Variants in GPR158 observed in about 807,000 individuals in gnomAD.
GPR158 encodes metabotropic glycine receptor.
In GPR158, 30 loss-of-function variants were observed where a neutral mutation model predicts 78.2. That is an observed-to-expected ratio of 0.38 (90% CI 0.29 to 0.52). GPR158 has a LOEUF of 0.52. Ranked by LOEUF, GPR158 falls within the 20% of genes least tolerant of loss-of-function variation. The probability of loss-of-function intolerance (pLI) is 0.83; values close to 1 mark genes in which losing one functional copy is unlikely to be tolerated. For missense variants in GPR158, 1,463 were observed against 1,523.5 expected (o/e 0.96, Z 0.66); for synonymous variants, 581 against 591.1 (o/e 0.98, Z 0.25).
intron 5 of GPR158, among the ~76,000 whole-genome samples, chr10:25,532,041 C>A (rs1277468011): frequency 1.3e-5 from 2 of 152,150 alleles, no homozygotes; most frequent in Non-Finnish European, 2.9e-5. Context: ...ACTATCAGGA[C>A]AATTCTGATT....
intron 2 of GPR158, among the ~76,000 whole-genome samples, chr10:25,338,422 T>TTATATATACG: frequency 6.9e-6 from 1 of 145,532 alleles, no homozygotes; most frequent in East Asian, 2.0e-4. Context: ...GTATTATATA[T>TTATATATACG]TATTATATAT....
At chr10:25,390,290 G>A (rs1834277076) in intron 2 of GPR158, among the ~76,000 whole-genome samples, 1 of 152,208 alleles carries the variant, frequency 6.6e-6, no homozygotes, top group African/African-American at 2.4e-5. Flanking sequence ...GATAGAGGTT[G>A]GAACAGTTTG....
intron 2 of GPR158, among the ~76,000 whole-genome samples, chr10:25,316,879 G>A (rs1854859128): frequency 7.2e-6 from 1 of 139,830 alleles, no homozygotes; most frequent in South Asian, 2.4e-4. Context: ...ATATATGTAT[G>A]TATGTATTTG....
At chr10:25,407,915 A>C (rs1012330920) in intron 3 of GPR158, among the ~76,000 whole-genome samples, 3 of 152,138 alleles carry the variant, frequency 2.0e-5, no homozygotes, top group Non-Finnish European at 4.4e-5. Flanking sequence ...TCCTCTACCC[A>C]AAACCCTAAC....
intron 2 of GPR158, among the ~76,000 whole-genome samples, chr10:25,334,241 C>T (rs536409670): frequency 6.6e-6 from 1 of 152,020 alleles, no homozygotes; most frequent in Admixed American, 6.6e-5. Flanking sequence ...AATAAAACCC[C>T]AAAAGTTAGG....
At chr10:25,346,645 ATATAAGT>A (rs1855375892) in intron 2 of GPR158, among the ~76,000 whole-genome samples, 1 of 151,832 alleles carries the variant, frequency 6.6e-6, no homozygotes. Context: ...GCCATTTCTG[ATATAAGT>A]TATTGTGTTT....
chr10:25,248,989 C>A (rs943245040), intron 2 of GPR158, among the ~76,000 whole-genome samples: 3 of 149,752 alleles, frequency 2.0e-5, no homozygotes, highest in South Asian at 2.1e-4. Context: ...CTTTTATTTC[C>A]ATGAGCAGTG....
rs541604969 is a variant in GPR158, at chr10:25,241,567, C to T, written c.1008+20410C>T. 5.3e-5 allele frequency among the ~76,000 whole-genome samples: 8 copies of T among 151,682 alleles called. 1 individual carries two copies. Among genetic ancestry groups the T allele is most frequent in the Middle Eastern group, 3.4e-3 (1 of 294 alleles). On this transcript the variant is annotated intron_variant, in intron 2 of 10. Coordinates refer to ENST00000376351, the MANE Select transcript of GPR158 (RefSeq NM_020752.3). ...TCCTGAGTAGATGGGGTTACAGGTG[C>T]GCACCACCATGCCTGGCTAATTTTT...
chr10:25,444,908 G>A (rs1353182520), intron 4 of GPR158, among the ~76,000 whole-genome samples: 1 of 152,146 alleles, frequency 6.6e-6, no homozygotes, highest in Non-Finnish European at 1.5e-5. Flanking sequence ...ACTTCTTAAG[G>A]AGGGGACTCA....
At chr10:25,228,885 A>T (rs960527352) in intron 2 of GPR158, among the ~76,000 whole-genome samples, 1 of 152,008 alleles carries the variant, frequency 6.6e-6, no homozygotes, top group Non-Finnish European at 1.5e-5. Flanking sequence ...AATACAAAAA[A>T]TTATTCGGTT....
chr10:25,579,681 C>A lies in GPR158; in HGVS notation c.1753+6794C>A, dbSNP rs567117577. On this transcript the variant is annotated intron_variant, in intron 7 of 10. Coordinates refer to ENST00000376351, the MANE Select transcript of GPR158 (RefSeq NM_020752.3). The stretch of plus-strand genomic sequence containing the variant: ...ATAGCATCGAGGACATTTAGAACTT[C>A]CCTTCCATGGTTAAATCTGTGCATC... Among the ~76,000 whole-genome samples the A allele has an allele frequency of 3.3e-5, 5 of 152,366 alleles. No individual in the cohort carries two copies. In the South Asian group the frequency reaches 8.3e-4, roughly 25 times the overall value.
At chr10:25,597,144 G>A (rs1280358126) in intron 10 of GPR158, among the ~76,000 whole-genome samples, 2 of 152,200 alleles carry the variant, frequency 1.3e-5, no homozygotes, top group African/African-American at 4.8e-5. Context: ...AGGTAGGATA[G>A]ATCTGTGGAG....
intron 5 of GPR158, among the ~76,000 whole-genome samples, chr10:25,508,885 T>C (rs963310888): frequency 1.3e-5 from 2 of 152,206 alleles, no homozygotes; most frequent in African/African-American, 4.8e-5. Context: ...GGAGTCCATT[T>C]AGTCTGTCAG....
At chr10:25,515,661 T>C (rs1269659258) in intron 5 of GPR158, among the ~76,000 whole-genome samples, 1 of 148,490 alleles carries the variant, frequency 6.7e-6, no homozygotes, top group African/African-American at 2.5e-5. Flanking sequence ...AGAATGATGA[T>C]TTCCAATTTC....
chr10:25,331,730 A>G (rs930723067), intron 2 of GPR158, among the ~76,000 whole-genome samples: 1 of 152,186 alleles, frequency 6.6e-6, no homozygotes, highest in Admixed American at 6.6e-5. Context: ...TAGAGGCTTG[A>G]GTCCCGCATG....
At chr10:25,237,309 G>A (rs775829848) in intron 2 of GPR158, among the ~76,000 whole-genome samples, 1 of 152,154 alleles carries the variant, frequency 6.6e-6, no homozygotes, top group Non-Finnish European at 1.5e-5. Context: ...CTTCTTGGAT[G>A]TTTAGATTCT....
At chr10:25,576,373 A>G (rs1588920209) in intron 7 of GPR158, among the ~76,000 whole-genome samples, 1 of 152,210 alleles carries the variant, frequency 6.6e-6, no homozygotes, top group South Asian at 2.1e-4. Flanking sequence ...TACTCCCTCT[A>G]CAATAGCTCT....
At chr10:25,325,709 AC>A (rs1314651816) in intron 2 of GPR158, among the ~76,000 whole-genome samples, 2 of 152,294 alleles carry the variant, frequency 1.3e-5, no homozygotes, top group African/African-American at 4.8e-5. Flanking sequence ...TAGTGGCTAT[AC>A]TAATTTACAT....
chr10:25,456,923 G>A (rs117809535), intron 4 of GPR158, among the ~76,000 whole-genome samples: 1 of 151,796 alleles, frequency 6.6e-6, no homozygotes, highest in Non-Finnish European at 1.5e-5. Flanking sequence ...GATTTTTCAT[G>A]GGGGGTCTTT....
Sources: allele counts gnomAD v4.1 joint callset (sites outside exome capture counted in the v4.1 genomes callset), GRCh38; gene constraint gnomAD v4.1.1; transcripts MANE v1.5; gene names NCBI Gene and HGNC (gene_info 2026-07-23, HGNC 2026-07-21).